Variants in H2AC7 observed in about 807,000 individuals in gnomAD.
H2AC7 encodes the protein histone H2A type 1-D.
Under a neutral mutation model 8.3 loss-of-function variants are expected in H2AC7, and 15 were observed. The observed-to-expected ratio is 1.81, with a 90% CI of 1.21 to 2.79. H2AC7 has a LOEUF of 2.79. Among genes scored for constraint, H2AC7 ranks in the 30% most tolerant of loss-of-function variants. H2AC7 has a pLI of 0.00. For missense variants in H2AC7, 283 were observed against 175.2 expected, an observed-to-expected ratio of 1.62 and a Z score of -3.47; for synonymous variants, 168 against 80.1, an observed-to-expected ratio of 2.10 and a Z score of -5.86.
In H2AC7 at chr6:26,199,007, G is replaced by A. The variant is rs764186636; in HGVS notation, c.237C>T (p.Ile79=). The A allele has an allele frequency of 2.5e-6, 4 of 1,614,174 alleles. No homozygotes were observed. Among genetic ancestry groups the A allele is most frequent in the South Asian group, 2.2e-5 (2 of 91,086 alleles). Residue 79 remains isoleucine (I), a synonymous_variant, in exon 1 of 1, where the codon ATC becomes ATT. Transcript: ENST00000341023. ...TGGCCAGCTGCAGGTGTCGGGGGATGATGCGGGTCTTCTTGTTGTCGCGGG... is the reference window on the plus strand; with the variant it reads ...TGGCCAGCTGCAGGTGTCGGGGGATAATGCGGGTCTTCTTGTTGTCGCGGG... The part of the protein sequence containing the change: ...NAARDNKKTR[I]IPRHLQLAIR...
At position 26,199,032 on chromosome 6, in the gene H2AC7, G is replaced by A. The variant is rs755461081; in HGVS notation, c.212C>T (p.Ala71Val). ...GATGCGGGTCTTCTTGTTGTCGCGG[G>A]CGGCGTTGCCCGCCAGCTCCAGGAT... ...AEILELAGNA[A>V]RDNKKTRIIP... is the part of the protein sequence containing the mutation. Residue 71 changes from alanine to valine, a missense_variant, in exon 1 of 1, where the codon GCC (alanine) becomes GTC (valine). Transcript: ENST00000341023. The A allele has an allele frequency of 3.7e-6, 6 of 1,614,130 alleles. No homozygotes were observed. Among genetic ancestry groups the A allele is most frequent in the Admixed American group, 3.3e-5 (2 of 60,034 alleles).
chr6:26,198,870 T>G lies in H2AC7; in HGVS notation c.374A>C (p.His125Pro), dbSNP rs765273519. The G allele has an allele frequency of 1.2e-6, 2 of 1,614,052 alleles. No homozygotes were observed. Among genetic ancestry groups the G allele is most frequent in the Admixed American group, 3.3e-5 (2 of 59,936 alleles). Residue 125 changes from histidine to proline, a missense_variant, in exon 1 of 1, where the codon CAC (histidine) becomes CCC (proline). Transcript: ENST00000341023. Reference sequence around the variant, plus strand: ...CTCGTTTTACTTGCCCTTGGCCTTGTGGTGACTCTCAGTCTTCTTGGGGAG... The same window carrying G: ...CTCGTTTTACTTGCCCTTGGCCTTGGGGTGACTCTCAGTCTTCTTGGGGAG... ...VLLPKKTESH[H>P]KAKGK
rs1190714405 is a variant in H2AC7, at chr6:26,198,937, T to C, written c.307A>G (p.Ile103Val). Reference protein sequence around the residue: ...ELNKLLGKVTIAQGGVLPNIQ... With the variant: ...ELNKLLGKVTVAQGGVLPNIQ... ...TTGGGCAGAACACCGCCCTGAGCAA[T>C]TGTGACTTTACCCAGCAACTTGTTT... The change falls in exon 1 of 1, where the codon ATT (isoleucine) becomes GTT (valine). Residue 103 changes from isoleucine to valine, a missense_variant. Ile to Val is a conservative substitution (Grantham distance 29). Transcript: ENST00000341023. The C allele has an allele frequency of 3.1e-6, 5 of 1,614,190 alleles. No individual in the cohort carries two copies. Among genetic ancestry groups the C allele is most frequent in the Non-Finnish European group, 3.4e-6 (4 of 1,180,022 alleles).
rs199988683 is a variant in H2AC7, at chr6:26,199,130, G to A, written c.114C>T (p.Gly38=). 5.7e-4 allele frequency: 916 copies of A among 1,614,212 alleles called. 19 individuals are homozygous for A. The South Asian group carries it at 8.6e-3, about 15-fold the overall frequency. Residue 38 remains glycine, a synonymous_variant, in exon 1 of 1, where the codon GGC becomes GGT. Coordinates refer to ENST00000341023, the MANE Select transcript of H2AC7 (RefSeq NM_021065.3). The part of the protein sequence containing the change: ...VGRVHRLLRK[G]NYSERVGAGA... ...CGGCCCCGACTCGCTCGGAGTAGTT[G>A]CCCTTGCGGAGCAAGCGGTGTACGC... is the stretch of plus-strand genomic sequence containing the variant.
rs768963286 is a variant in H2AC7 at position 26,198,915 on chromosome 6, G to A, written c.329C>T (p.Pro110Leu). ...KVTIAQGGVLPNIQAVLLPKK... is the reference protein window; with the variant it reads ...KVTIAQGGVLLNIQAVLLPKK... ...GGGGAGCAGTACAGCCTGGATGTTG[G>A]GCAGAACACCGCCCTGAGCAATTGT... Residue 110 changes from proline to leucine, a missense_variant, in exon 1 of 1, where the codon CCC becomes CTC. Coordinates refer to ENST00000341023, the MANE Select transcript of H2AC7 (RefSeq NM_021065.3). 1.2e-6 allele frequency: 2 copies of A among 1,614,214 alleles called. No individual in the cohort carries two copies. Among genetic ancestry groups the A allele is most frequent in the East Asian group, 2.2e-5 (1 of 44,892 alleles).
In H2AC7 at chr6:26,198,917, C is replaced by G. The variant is rs1346854283; in HGVS notation, c.327G>C (p.Leu109=). Residue 109 remains leucine (L), a synonymous_variant, in exon 1 of 1, where the codon CTG becomes CTC. Coordinates refer to ENST00000341023, the MANE Select transcript of H2AC7 (RefSeq NM_021065.3). ...GGAGCAGTACAGCCTGGATGTTGGG[C>G]AGAACACCGCCCTGAGCAATTGTGA... ...GKVTIAQGGV[L]PNIQAVLLPK... is the part of the protein sequence containing the mutation. 1.2e-6 allele frequency: 2 copies of G among 1,614,234 alleles called. No individual in the cohort carries two copies. Among genetic ancestry groups the G allele is most frequent in the Admixed American group, 1.7e-5 (1 of 60,032 alleles).
chr6:26,199,279 C>T lies in H2AC7; in HGVS notation c.-36G>A. The T allele has an allele frequency of 1.3e-6, 2 of 1,576,658 alleles. No homozygotes were observed. The highest frequency in any genetic ancestry group is 8.6e-7 in the Non-Finnish European group (1 of 1,168,988). On this transcript the variant is annotated 5_prime_UTR_variant, in exon 1 of 1. Transcript: ENST00000341023. ...TAAAAACGATGTTAAGCAATGAAGA[C>T]AAAAATGTAAAAGTGAATTTTGTTA...
rs141689063 is a variant in H2AC7 at position 26,199,194 on chromosome 6, G to C, written c.50C>G (p.Thr17Ser). 9 of 1,613,466 alleles carry C rather than the reference G, an allele frequency of 5.6e-6. No individual in the cohort carries two copies. Among genetic ancestry groups the C allele is most frequent in the Non-Finnish European group, 6.8e-6 (8 of 1,179,870 alleles). Residue 17 changes from threonine to serine, a missense_variant, in exon 1 of 1, where the codon ACC becomes AGC. By Grantham distance (58) the Thr-to-Ser change is moderately conservative. Coordinates refer to ENST00000341023, the MANE Select transcript of H2AC7 (RefSeq NM_021065.3). ...QGGKARAKAK[T>S]RSSRAGLQFP... The stretch of plus-strand genomic sequence containing the variant: ...CTGGAGTCCGGCCCGCGAAGAGCGG[G>C]TCTTAGCCTTAGCTCGGGCCTTTCC...
rs1389805157 is a variant in H2AC7, at chr6:26,199,251, T to C, written c.-8A>G. 1 of 1,591,974 alleles carries C rather than the reference T, an allele frequency of 6.3e-7. No homozygotes were observed. The highest frequency in any genetic ancestry group is 8.5e-7 in the Non-Finnish European group (1 of 1,174,446). ...CTTGCCGCGTCCGGACATTTTGAAT[T>C]CTTAAAAACGATGTTAAGCAATGAA... On this transcript the variant is annotated 5_prime_UTR_variant, in exon 1 of 1. Coordinates refer to ENST00000341023, the MANE Select transcript of H2AC7 (RefSeq NM_021065.3).
Position 26,199,205 on chromosome 6 carries a change from A to T in H2AC7, c.39T>A (p.Ala13=). The change falls in exon 1 of 1, where the codon GCT becomes GCA. Residue 13 remains alanine (A), a synonymous_variant. Coordinates refer to ENST00000341023, the MANE Select transcript of H2AC7 (RefSeq NM_021065.3). The stretch of plus-strand genomic sequence containing the variant: ...CCCGCGAAGAGCGGGTCTTAGCCTT[A>T]GCTCGGGCCTTTCCGCCTTGCTTGC... ...GRGKQGGKAR[A]KAKTRSSRAG... 6.2e-7 allele frequency: 1 copy of T among 1,609,566 alleles called. No individual in the cohort carries two copies. Among genetic ancestry groups the T allele is most frequent in the Non-Finnish European group, 8.5e-7 (1 of 1,178,832 alleles).
In H2AC7 at chr6:26,199,252, C is replaced by G. The variant is rs376523430; in HGVS notation, c.-9G>C. ...TTGCCGCGTCCGGACATTTTGAATT[C>G]TTAAAAACGATGTTAAGCAATGAAG... On this transcript the variant is annotated 5_prime_UTR_variant, in exon 1 of 1. Transcript: ENST00000341023. 2 of 1,591,828 alleles carry G rather than the reference C, an allele frequency of 1.3e-6. No homozygotes were observed. The highest frequency in any genetic ancestry group is 1.2e-5 in the South Asian group (1 of 86,822).
Position 26,198,947 on chromosome 6 carries a change from A to C in H2AC7, c.297T>G (p.Gly99=). ...RNDEELNKLL[G]KVTIAQGGVL... is the part of the protein sequence containing the mutation. ...CACCGCCCTGAGCAATTGTGACTTT[A>C]CCCAGCAACTTGTTTAGCTCCTCGT... The change falls in exon 1 of 1, where the codon GGT becomes GGG. Residue 99 remains glycine, a synonymous_variant. Coordinates refer to ENST00000341023, the MANE Select transcript of H2AC7 (RefSeq NM_021065.3). 6.2e-7 allele frequency: 1 copy of C among 1,614,118 alleles called. No individual in the cohort carries two copies. The highest frequency in any genetic ancestry group is 1.1e-5 in the South Asian group (1 of 91,080).
rs749358448 is a variant in H2AC7 at position 26,198,875 on chromosome 6, ACT to A, written c.367_368del (p.His124ProfsTer?). 28 of 1,613,868 alleles carry A rather than the reference ACT, an allele frequency of 1.7e-5. No homozygotes were observed. The highest frequency in any genetic ancestry group is 1.2e-4 in the Admixed American group (7 of 59,926). ...QAVLLPKKTE[S>X]HHKAKGK ...TTTACTTGCCCTTGGCCTTGTGGTGACTCTCAGTCTTCTTGGGGAGCAGTACA... is the reference window on the plus strand; with the variant it reads ...TTTACTTGCCCTTGGCCTTGTGGTGACTCAGTCTTCTTGGGGAGCAGTACA... On this transcript the variant is annotated frameshift_variant, in exon 1 of 1. Transcript: ENST00000341023. LOFTEE classifies it high-confidence loss of function.
rs199569193 is a variant in H2AC7, at chr6:26,199,277, G to A, written c.-34C>T. On this transcript the variant is annotated 5_prime_UTR_variant, in exon 1 of 1. Transcript: ENST00000341023. The stretch of plus-strand genomic sequence containing the variant: ...CTTAAAAACGATGTTAAGCAATGAA[G>A]ACAAAAATGTAAAAGTGAATTTTGT... The A allele has an allele frequency of 4.5e-4, 716 of 1,577,944 alleles. 1 individual carries two copies. In the East Asian group the frequency reaches 0.012, roughly 25 times the overall value.
In H2AC7 at chr6:26,199,088, C is replaced by A. The variant is rs1561981913; in HGVS notation, c.156G>T (p.Leu52=). 8.1e-6 allele frequency: 13 copies of A among 1,614,082 alleles called. No individual in the cohort carries two copies. The highest frequency in any genetic ancestry group is 1.1e-5 in the Non-Finnish European group (13 of 1,180,042). The change falls in exon 1 of 1, where the codon CTG becomes CTT. Residue 52 remains leucine, a synonymous_variant. Coordinates refer to ENST00000341023, the MANE Select transcript of H2AC7 (RefSeq NM_021065.3). The part of the protein sequence containing the change: ...ERVGAGAPVY[L]AAVLEYLTAE... ...CGGTCAGGTACTCCAACACCGCCGC[C>A]AGATACACTGGCGCGCCGGCCCCGA...
At position 26,198,956 on chromosome 6, in the gene H2AC7, C is replaced by T; in HGVS notation, c.288G>A (p.Lys96=). 1.2e-6 allele frequency: 2 copies of T among 1,614,244 alleles called. No individual in the cohort carries two copies. Among genetic ancestry groups the T allele is most frequent in the Non-Finnish European group, 8.5e-7 (1 of 1,180,048 alleles). Reference sequence around the variant, plus strand: ...GAGCAATTGTGACTTTACCCAGCAACTTGTTTAGCTCCTCGTCGTTGCGGA... The same window carrying T: ...GAGCAATTGTGACTTTACCCAGCAATTTGTTTAGCTCCTCGTCGTTGCGGA... The part of the protein sequence containing the change: ...LAIRNDEELN[K]LLGKVTIAQG... The change falls in exon 1 of 1, where the codon AAG becomes AAA. Residue 96 remains lysine, a synonymous_variant. Transcript: ENST00000341023.
Position 26,198,884 on chromosome 6 carries a change from C to G in H2AC7, c.360G>C (p.Lys120Asn). ...PNIQAVLLPK[K>N]TESHHKAKGK ...CCTTGGCCTTGTGGTGACTCTCAGT[C>G]TTCTTGGGGAGCAGTACAGCCTGGA... Residue 120 changes from lysine to asparagine, a missense_variant, in exon 1 of 1, where the codon AAG becomes AAC. Physicochemically the swap from Lys to Asn is moderately conservative, Grantham distance 94 (BLOSUM62 0). Coordinates refer to ENST00000341023, the MANE Select transcript of H2AC7 (RefSeq NM_021065.3). The G allele has an allele frequency of 6.2e-7, 1 of 1,614,192 alleles. No individual in the cohort carries two copies. The highest frequency in any genetic ancestry group is 2.2e-5 in the East Asian group (1 of 44,896).
At position 26,198,891 on chromosome 6, in the gene H2AC7, G is replaced by C; in HGVS notation, c.353C>G (p.Pro118Arg). The change falls in exon 1 of 1, where the codon CCC (proline) becomes CGC (arginine). Residue 118 changes from proline to arginine, a missense_variant. By Grantham distance (103) the Pro-to-Arg change is moderately radical. Transcript: ENST00000341023. ...VLPNIQAVLL[P>R]KKTESHHKAK... ...CTTGTGGTGACTCTCAGTCTTCTTGGGGAGCAGTACAGCCTGGATGTTGGG... is the reference window on the plus strand; with the variant it reads ...CTTGTGGTGACTCTCAGTCTTCTTGCGGAGCAGTACAGCCTGGATGTTGGG... 1 of 1,614,156 alleles carries C rather than the reference G, an allele frequency of 6.2e-7. No homozygotes were observed. The highest frequency in any genetic ancestry group is 8.5e-7 in the Non-Finnish European group (1 of 1,180,014).
In H2AC7 at chr6:26,199,218, C is replaced by T. The variant is rs755249502; in HGVS notation, c.26G>A (p.Gly9Glu). 3 of 1,606,646 alleles carry T rather than the reference C, an allele frequency of 1.9e-6. No homozygotes were observed. The highest frequency in any genetic ancestry group is 2.2e-5 in the East Asian group (1 of 44,860). ...GGTCTTAGCCTTAGCTCGGGCCTTT[C>T]CGCCTTGCTTGCCGCGTCCGGACAT... MSGRGKQGGKARAKAKTRS... is the reference protein window; with the variant it reads MSGRGKQGEKARAKAKTRS... The change falls in exon 1 of 1, where the codon GGA becomes GAA. Residue 9 changes from glycine to glutamate, a missense_variant. Transcript: ENST00000341023.
Sources: allele counts gnomAD v4.1 joint callset, GRCh38; gene constraint gnomAD v4.1.1; transcripts MANE v1.5; gene names NCBI Gene and HGNC (gene_info 2026-07-23, HGNC 2026-07-21).